Variants in KLF12 observed in about 807,000 individuals in gnomAD.
KLF12 encodes KLF transcription factor 12.
A neutral mutation model predicts 37.8 loss-of-function variants in KLF12; 9 were observed. The observed-to-expected ratio is 0.24, with a 90% confidence interval of 0.14 to 0.42. KLF12 has a LOEUF of 0.42. Ranked by LOEUF, KLF12 falls within the 10% of genes least tolerant of loss-of-function variation. The probability of loss-of-function intolerance (pLI) is 1.00; values close to 1 mark genes in which losing one functional copy is unlikely to be tolerated. For missense variants in KLF12, 411 were observed against 516.0 expected, an observed-to-expected ratio of 0.80 and a Z score of 1.97; for synonymous variants, 208 against 202.1, an observed-to-expected ratio of 1.03 and a Z score of -0.25.
intron 6 of KLF12, among the ~76,000 whole-genome samples, chr13:73,724,386 T>A (rs993245419): frequency 6.6e-6 from 1 of 152,302 alleles, no homozygotes; most frequent in South Asian, 2.1e-4. Context: ...TGGGGCCTGA[T>A]GTAGTACTTA....
At chr13:74,177,914 T>C in the KLF12 span, among the ~76,000 whole-genome samples, 15 of 152,228 alleles carry the variant, frequency 9.9e-5, no homozygotes, top group African/African-American at 3.4e-4. Context: ...ATATATATAA[T>C]ACATTACAGT....
chr13:74,194,609 G>A, the KLF12 span, among the ~76,000 whole-genome samples: 3 of 152,108 alleles, frequency 2.0e-5, no homozygotes, highest in African/African-American at 7.2e-5. Context: ...GCCTCTTAAA[G>A]GTTCCATCTC....
the KLF12 span, among the ~76,000 whole-genome samples, chr13:74,151,652 CAATAAATA>C: frequency 8.4e-5 from 12 of 142,492 alleles, no homozygotes; most frequent in African/African-American, 2.0e-4. Context: ...GACCCCATCT[CAATAAATA>C]AATAAATAAA....
intron 1 of KLF12, among the ~76,000 whole-genome samples, chr13:74,052,209 G>T (rs1872966696): frequency 6.6e-6 from 1 of 152,008 alleles, no homozygotes; most frequent in Non-Finnish European, 1.5e-5. Context: ...AAATACCAGG[G>T]TTTTAAAGCT....
chr13:74,143,796 A>G, the KLF12 span, among the ~76,000 whole-genome samples: 1 of 152,334 alleles, frequency 6.6e-6, no homozygotes, highest in Non-Finnish European at 1.5e-5. Context: ...TCTGTTTTTC[A>G]CATTCAATAA....
chr13:74,179,839 C>T, the KLF12 span, among the ~76,000 whole-genome samples: 27 of 152,138 alleles, frequency 1.8e-4, no homozygotes, highest in Non-Finnish European at 3.7e-4. Context: ...TACAACAACC[C>T]GTACTTTCCA....
chr13:74,084,939 T>C (rs753825690), intron 1 of KLF12, among the ~76,000 whole-genome samples: 14 of 152,198 alleles, frequency 9.2e-5, no homozygotes, highest in Non-Finnish European at 1.8e-4. Context: ...GAGGTTTTGT[T>C]GGTTTTTTTA....
chr13:73,976,338 T>C (rs1001867964), intron 2 of KLF12, among the ~76,000 whole-genome samples: 23 of 152,184 alleles, frequency 1.5e-4, no homozygotes, highest in African/African-American at 5.3e-4. Flanking sequence ...AGTTGACAAA[T>C]GATCATTCCA....
chr13:73,752,713 C>A (rs1878853898), intron 6 of KLF12, among the ~76,000 whole-genome samples: 1 of 145,460 alleles, frequency 6.9e-6, no homozygotes, highest in African/African-American at 2.5e-5. Flanking sequence ...CATTCCCCTG[C>A]TCCCTTCCAC....
the KLF12 span, among the ~76,000 whole-genome samples, chr13:74,171,406 G>A: frequency 2.2e-4 from 34 of 152,180 alleles, no homozygotes; most frequent in Non-Finnish European, 3.7e-4. Context: ...AAAAAAGTAG[G>A]CAGTGAGCGG....
At chr13:73,729,128 A>C (rs1876874502) in intron 6 of KLF12, among the ~76,000 whole-genome samples, 1 of 152,206 alleles carries the variant, frequency 6.6e-6, no homozygotes, top group African/African-American at 2.4e-5. Flanking sequence ...ATATCACTAA[A>C]GTTTCACGGC....
chr13:74,083,758 T>C (rs1389281718), intron 1 of KLF12, among the ~76,000 whole-genome samples: 1 of 152,216 alleles, frequency 6.6e-6, no homozygotes, highest in African/African-American at 2.4e-5. Flanking sequence ...TTCAACGGTT[T>C]GTATAATACT....
chr13:74,135,007 A>C (rs1181379497), upstream of KLF12, among the ~76,000 whole-genome samples: 1 of 151,428 alleles, frequency 6.6e-6, no homozygotes, highest in Non-Finnish European at 1.5e-5. Flanking sequence ...CGCGCCGGGC[A>C]ACAATGGGGT....
rs1474145107 is a variant in KLF12, at chr13:73,689,609, G to A, written c.*5881C>T. On this transcript the variant is annotated 3_prime_UTR_variant, in exon 8 of 8. Coordinates refer to ENST00000377669, the MANE Select transcript of KLF12 (RefSeq NM_007249.5). ...CATCTGGTAATTTTTAGGACTAACT[G>A]CAAAGATGGTTAAAGGCTAGGCTTA... 1 of 152,160 alleles carries A rather than the reference G, an allele frequency of 6.6e-6. No individual in the cohort carries two copies. Among genetic ancestry groups the A allele is most frequent in the Admixed American group, 6.6e-5 (1 of 15,266 alleles). The allele number at this position is 152,160 out of a possible 1,614,324, so 9.4% of individuals were successfully genotyped here.
intron 4 of KLF12, among the ~76,000 whole-genome samples, chr13:73,820,108 A>T (rs1883442250): frequency 6.6e-6 from 1 of 152,126 alleles, no homozygotes; most frequent in African/African-American, 2.4e-5. Context: ...GGATGACATG[A>T]TACAAAATTT....
chr13:73,755,728 G>C (rs373450526), intron 6 of KLF12, among the ~76,000 whole-genome samples: 1 of 151,840 alleles, frequency 6.6e-6, no homozygotes, highest in African/African-American at 2.4e-5. Flanking sequence ...CACCTGAGCA[G>C]TGTACACTGT....
intron 3 of KLF12, among the ~76,000 whole-genome samples, chr13:73,895,022 T>C (rs1230460281): frequency 6.6e-6 from 1 of 152,238 alleles, no homozygotes; most frequent in Non-Finnish European, 1.5e-5. Context: ...TGGCATTATA[T>C]AATAAAGCCA....
intron 1 of KLF12, among the ~76,000 whole-genome samples, chr13:74,101,850 T>C (rs1310528414): frequency 5.9e-5 from 9 of 152,144 alleles, no homozygotes; most frequent in African/African-American, 1.9e-4. Flanking sequence ...GTAGAAAGAA[T>C]AGCAGAAAAT....
chr13:73,887,104 C>T (rs1887265947), intron 3 of KLF12, among the ~76,000 whole-genome samples: 1 of 152,044 alleles, frequency 6.6e-6, no homozygotes, highest in African/African-American at 2.4e-5. Flanking sequence ...GGTTCATCAT[C>T]ATCAGGGACA....
Sources: allele counts gnomAD v4.1 joint callset (sites outside exome capture counted in the v4.1 genomes callset), GRCh38; gene constraint gnomAD v4.1.1; transcripts MANE v1.5; gene names NCBI Gene and HGNC (gene_info 2026-07-23, HGNC 2026-07-21).